The following TBC1D22A variants were observed in gnomAD, a reference collection of about 807,000 sequenced individuals.
The protein encoded by TBC1D22A is putative GTPase activator.
A neutral mutation model predicts 60.2 loss-of-function variants in TBC1D22A; 38 were observed. The ratio of observed to expected loss-of-function variants is 0.63; its 90% confidence interval spans 0.49 to 0.83. The LOEUF (loss-of-function observed/expected upper bound fraction) is 0.83. Ranked by LOEUF, TBC1D22A falls within the 40% of genes least tolerant of loss-of-function variation. TBC1D22A has a pLI of 0.00. For synonymous variants in TBC1D22A, 302 were observed against 281.7 expected (o/e 1.07, Z -0.72); for missense variants, 628 against 701.0 (o/e 0.90, Z 1.18).
At chr22:46,827,511 G>A (rs2086122185) in intron 4 of TBC1D22A, among the ~76,000 whole-genome samples, 1 of 152,154 alleles carries the variant, frequency 6.6e-6, no homozygotes, top group South Asian at 2.1e-4. Context: ...CTTACCTTTT[G>A]AACATGCGTG....
At chr22:46,941,418 A>AATAT (rs199956302) in intron 8 of TBC1D22A, among the ~76,000 whole-genome samples, 20,082 of 82,752 alleles carry the variant, frequency 0.24, 5,675 homozygotes, top group African/African-American at 0.49. Context: ...ATATATACGG[A>AATAT]ATATACACGG....
chr22:46,874,748 A>G (rs943711167), intron 4 of TBC1D22A, among the ~76,000 whole-genome samples: 2 of 151,126 alleles, frequency 1.3e-5, no homozygotes, highest in African/African-American at 4.9e-5. Flanking sequence ...TAATTTTTCT[A>G]TTTTTAGTAG....
chr22:46,882,757 C>T (rs1292996789), intron 5 of TBC1D22A, among the ~76,000 whole-genome samples: 2 of 152,176 alleles, frequency 1.3e-5, no homozygotes, highest in Non-Finnish European at 2.9e-5. Flanking sequence ...ATCATTTGTC[C>T]AGCTTAAAAA....
chr22:47,055,560 C>T (rs2063365234), intron 11 of TBC1D22A, among the ~76,000 whole-genome samples: 1 of 152,118 alleles, frequency 6.6e-6, no homozygotes, highest in South Asian at 2.1e-4. Flanking sequence ...CGACCCTATG[C>T]TGTTAGCTGG....
chr22:46,861,962 G>A (rs542652301), intron 4 of TBC1D22A, among the ~76,000 whole-genome samples: 4 of 152,344 alleles, frequency 2.6e-5, no homozygotes, highest in African/African-American at 9.6e-5. Context: ...AGGAGGGACT[G>A]GGCATGTGGT....
At chr22:46,846,185 A>G (rs550536073) in intron 4 of TBC1D22A, among the ~76,000 whole-genome samples, 27 of 152,340 alleles carry the variant, frequency 1.8e-4, no homozygotes, top group African/African-American at 6.5e-4. Flanking sequence ...TTACTCATCT[A>G]TCTCAACAGC....
chr22:46,939,306 C>T (rs2071847986), intron 8 of TBC1D22A, among the ~76,000 whole-genome samples: 1 of 152,110 alleles, frequency 6.6e-6, no homozygotes, highest in African/African-American at 2.4e-5. Context: ...TGGAAGATAG[C>T]TTAGATGAAT....
chr22:47,077,559 C>T (rs921387758), intron 11 of TBC1D22A, among the ~76,000 whole-genome samples: 7 of 152,186 alleles, frequency 4.6e-5, no homozygotes, highest in African/African-American at 7.2e-5. Flanking sequence ...GCTCTATGCC[C>T]GGTGACCTTT....
At chr22:47,148,762 C>T (rs1297466993) in intron 12 of TBC1D22A, among the ~76,000 whole-genome samples, 1 of 151,684 alleles carries the variant, frequency 6.6e-6, no homozygotes. Flanking sequence ...CTGGGTTCTT[C>T]TCCTGGGGTC....
chr22:47,171,657 T>A lies in TBC1D22A; in HGVS notation c.1426-1841T>A, dbSNP rs368616137. On this transcript the variant is annotated intron_variant, in intron 12 of 12. Coordinates refer to ENST00000337137, the MANE Select transcript of TBC1D22A (RefSeq NM_014346.5). Reference sequence around the variant, plus strand: ...CTGCCAAGCCCTCTGTGTGTTGGGGTCCCCGGAGACCTGCCCTGCCCTTGG... The same window carrying A: ...CTGCCAAGCCCTCTGTGTGTTGGGGACCCCGGAGACCTGCCCTGCCCTTGG... 9.2e-5 allele frequency among the ~76,000 whole-genome samples: 14 copies of A among 152,230 alleles called. No homozygotes were observed. In the East Asian group the frequency reaches 2.5e-3, roughly 27 times the overall value.
chr22:47,046,306 C>T (rs758080973), intron 11 of TBC1D22A, among the ~76,000 whole-genome samples: 32 of 152,190 alleles, frequency 2.1e-4, no homozygotes, highest in Non-Finnish European at 3.7e-4. Context: ...CTGAGATGTG[C>T]TGCTTTGCCC....
At chr22:46,765,817 G>T (rs1466031037) in intron 1 of TBC1D22A, among the ~76,000 whole-genome samples, 1 of 141,136 alleles carries the variant, frequency 7.1e-6, no homozygotes, top group Non-Finnish European at 1.5e-5. Flanking sequence ...GTCTCTCTCT[G>T]TAGTCCAGGC....
chr22:47,073,653 G>A (rs989669107), intron 11 of TBC1D22A, among the ~76,000 whole-genome samples: 2 of 152,196 alleles, frequency 1.3e-5, no homozygotes, highest in Non-Finnish European at 2.9e-5. Flanking sequence ...CAGAAACAAG[G>A]CCTGACAGCC....
chr22:46,830,085 A>G (rs554527498), intron 4 of TBC1D22A, among the ~76,000 whole-genome samples: 1 of 152,288 alleles, frequency 6.6e-6, no homozygotes, highest in Non-Finnish European at 1.5e-5. Flanking sequence ...AAGTGGAGAC[A>G]TTTCCCAGTT....
At chr22:47,139,586 T>C (rs2147138556) in intron 12 of TBC1D22A, among the ~76,000 whole-genome samples, 1 of 152,332 alleles carries the variant, frequency 6.6e-6, no homozygotes, top group Middle Eastern at 3.4e-3. Flanking sequence ...CATGAGAGGC[T>C]GCTGGAGCGT....
intron 11 of TBC1D22A, among the ~76,000 whole-genome samples, chr22:47,077,959 G>A (rs1413813416): frequency 5.9e-5 from 9 of 152,108 alleles, no homozygotes; most frequent in East Asian, 5.8e-4. Flanking sequence ...CCTAATTTGC[G>A]CTCCTTCCTG....
chr22:46,960,408 C>CCCA (rs2073432399), intron 8 of TBC1D22A, among the ~76,000 whole-genome samples: 1 of 152,052 alleles, frequency 6.6e-6, no homozygotes, highest in Non-Finnish European at 1.5e-5. Flanking sequence ...ATTACAGGCA[C>CCCA]CCACCACCAC....
At chr22:46,915,781 C>T (rs1044343607) in intron 8 of TBC1D22A, 2 of 456,546 alleles carry the variant, frequency 4.4e-6, no homozygotes, top group Non-Finnish European at 8.8e-6. Context: ...TCCACAGATC[C>T]TGGCCTGCCA....
chr22:46,881,237 GTTCA>G (rs746865736), intron 5 of TBC1D22A, among the ~76,000 whole-genome samples: 6 of 152,170 alleles, frequency 3.9e-5, no homozygotes, highest in Non-Finnish European at 7.3e-5. Context: ...CCGTTGGTTG[GTTCA>G]TTCATTCATC....
Sources: gnomAD v4.1 joint callset for allele counts (sites outside exome capture counted in the v4.1 genomes callset) on GRCh38, gnomAD v4.1.1 for gene constraint, MANE v1.5 for transcripts, NCBI Gene and HGNC (gene_info 2026-07-23, HGNC 2026-07-21) for gene names.